DPYSL3: variants seen among roughly 807,000 people sequenced by gnomAD.
DPYSL3 encodes the protein dihydropyrimidinase like 3.
DPYSL3 carries 16 observed loss-of-function variants against 66.1 expected under a neutral mutation model. The ratio of observed to expected loss-of-function variants is 0.24; its 90% CI spans 0.16 to 0.37. DPYSL3 has a LOEUF of 0.37. Among genes scored for constraint, DPYSL3 ranks in the 10% least tolerant of loss-of-function variants. The probability of loss-of-function intolerance (pLI) is 1.00; values close to 1 mark genes in which losing one functional copy is unlikely to be tolerated. For missense variants in DPYSL3, 738 were observed against 916.2 expected (o/e 0.81, Z 2.51); for synonymous variants, 338 against 345.1 (o/e 0.98, Z 0.23).
intron 1 of DPYSL3, among the ~76,000 whole-genome samples, chr5:147,471,825 G>C (rs1417001939): frequency 6.6e-6 from 1 of 152,132 alleles, no homozygotes; most frequent in African/African-American, 2.4e-5. Flanking sequence ...AATAGATTGA[G>C]ATAAATTTTG....
chr5:147,504,615 C>A (rs1753659909), intron 1 of DPYSL3, among the ~76,000 whole-genome samples: 1 of 152,228 alleles, frequency 6.6e-6, no homozygotes, highest in Admixed American at 6.5e-5. Context: ...ACATCAATTT[C>A]TCTGAGTCAC....
At chr5:147,421,572 A>G (rs1752078945) in intron 2 of DPYSL3, among the ~76,000 whole-genome samples, 2 of 152,252 alleles carry the variant, frequency 1.3e-5, no homozygotes, top group South Asian at 2.1e-4. Context: ...AGTAAAAAGA[A>G]CAAAGCTGGA....
rs139692990 is a variant in DPYSL3 at position 147,424,663 on chromosome 5, T to C, written c.470+212A>G. Among the ~76,000 whole-genome samples, 173 of 152,344 alleles carry C rather than the reference T, an allele frequency of 1.1e-3. 1 individual carries two copies. The highest frequency in any genetic ancestry group is 4.0e-3 in the African/African-American group (165 of 41,590). On this transcript the variant is annotated intron_variant, in intron 2 of 13. Coordinates refer to ENST00000343218, the MANE Select transcript of DPYSL3 (RefSeq NM_001197294.2). ...TGTAATTTGTGCACATTTTCCAGTA[T>C]CCTTAAGGATGATGGCCACATCTTC... is the stretch of plus-strand genomic sequence containing the variant.
rs145317828 is a variant in DPYSL3, at chr5:147,479,588, A to G, written c.381+29890T>C. Among the ~76,000 whole-genome samples the G allele has an allele frequency of 1.1e-3, 161 of 152,354 alleles. 1 individual carries two copies. Among genetic ancestry groups the G allele is most frequent in the African/African-American group, 3.7e-3 (154 of 41,580 alleles). On this transcript the variant is annotated intron_variant, in intron 1 of 13. Coordinates refer to ENST00000343218, the MANE Select transcript of DPYSL3 (RefSeq NM_001197294.2). ...CCCACATCAGAGCAACCACAGAGCCAATCTAAGACAGGCATCTTATCTATC... is the reference window on the plus strand; with the variant it reads ...CCCACATCAGAGCAACCACAGAGCCGATCTAAGACAGGCATCTTATCTATC...
In DPYSL3 at chr5:147,422,680, AAG is replaced by A. The variant is rs547496931; in HGVS notation, c.470+2193_470+2194del. 2.4e-3 allele frequency among the ~76,000 whole-genome samples: 369 copies of A among 152,334 alleles called. 2 individuals carry two copies. Among genetic ancestry groups the A allele is most frequent in the African/African-American group, 8.6e-3 (358 of 41,570 alleles). Reference sequence around the variant, plus strand: ...GAAATACTATGCAGCCATAAAAAAAAAGAATGAGTTCATGTCCTTTGCAGGGA... The same window carrying A: ...GAAATACTATGCAGCCATAAAAAAAAAATGAGTTCATGTCCTTTGCAGGGA... On this transcript the variant is annotated intron_variant, in intron 2 of 13. Transcript: ENST00000343218.
At chr5:147,487,821 C>T (rs527760048) in intron 1 of DPYSL3, among the ~76,000 whole-genome samples, 1 of 152,318 alleles carries the variant, frequency 6.6e-6, no homozygotes, top group African/African-American at 2.4e-5. Context: ...GAATGCATTT[C>T]CAGATACACT....
rs77816694 is a variant in DPYSL3 at position 147,485,767 on chromosome 5, G to A, written c.381+23711C>T. Among the ~76,000 whole-genome samples the A allele has an allele frequency of 7.2e-5, 11 of 152,134 alleles. No individual in the cohort carries two copies. The East Asian group carries it at 1.2e-3, about 16-fold the overall frequency. ...AAATTGGAGTCTCAGCTCCTCCTCCGCAATCCTCTTCTATTAACTGTAACT... is the reference window on the plus strand; with the variant it reads ...AAATTGGAGTCTCAGCTCCTCCTCCACAATCCTCTTCTATTAACTGTAACT... On this transcript the variant is annotated intron_variant, in intron 1 of 13. Coordinates refer to ENST00000343218, the MANE Select transcript of DPYSL3 (RefSeq NM_001197294.2).
At chr5:147,464,446 C>T (rs1486318318) in intron 1 of DPYSL3, among the ~76,000 whole-genome samples, 1 of 152,136 alleles carries the variant, frequency 6.6e-6, no homozygotes, top group African/African-American at 2.4e-5. Context: ...GTTGCAGCTG[C>T]TACCTGTGTA....
intron 1 of DPYSL3, among the ~76,000 whole-genome samples, chr5:147,479,965 G>A (rs1021280977): frequency 6.6e-6 from 1 of 152,162 alleles, no homozygotes; most frequent in African/African-American, 2.4e-5. Context: ...ATGAGACCAA[G>A]GCACAGCAAT....
At chr5:147,428,162 T>A (rs1372649455) in intron 1 of DPYSL3, among the ~76,000 whole-genome samples, 2 of 152,210 alleles carry the variant, frequency 1.3e-5, no homozygotes, top group Non-Finnish European at 2.9e-5. Context: ...TCTGGCTCAA[T>A]AATCAGGAAT....
chr5:147,454,226 C>G (rs1397466332), intron 1 of DPYSL3: 2 of 152,192 alleles, frequency 1.3e-5, no homozygotes, highest in East Asian at 1.9e-4. Context: ...TCCCGGCACC[C>G]GCTCTCCTCT....
At chr5:147,400,422 C>G (rs936518186) in intron 10 of DPYSL3, among the ~76,000 whole-genome samples, 1 of 152,214 alleles carries the variant, frequency 6.6e-6, no homozygotes, top group South Asian at 2.1e-4. Context: ...ACAGGCTATT[C>G]GTACACTCAG....
rs1244851261 is a variant in DPYSL3, at chr5:147,509,605, G to A, written c.254C>T (p.Thr85Ile). Residue 85 changes from threonine (T) to isoleucine (I), a missense_variant, in exon 1 of 14, where the codon ACC becomes ATC. By Grantham distance (89) the Thr-to-Ile change is moderately conservative (BLOSUM62 -1). Transcript: ENST00000343218. The surrounding 1 kb of genome is among the most constrained non-coding windows in gnomAD (Gnocchi z 5.3). ...SGSRPGIEGD[T>I]PRRGQGREES... is the part of the protein sequence containing the mutation. ...TTCCCGGCCTTGGCCCCTGCGCGGG[G>A]TGTCCCCCTCGATCCCGGGCCGACT... 6.5e-7 allele frequency: 1 copy of A among 1,535,534 alleles called. No homozygotes were observed. The highest frequency in any genetic ancestry group is 8.7e-7 in the Non-Finnish European group (1 of 1,146,644).
Position 147,509,338 on chromosome 5 carries a change from C to T in DPYSL3, c.381+140G>A. ...CTGGGCTAGGAAGTCGCGCTACGCT[C>T]AGTGGAGGATGACCCTTTCCTCCTC... On this transcript the variant is annotated intron_variant, in intron 1 of 13. Transcript: ENST00000343218. This position sits in a 1 kb window ranked among gnomAD's most constrained non-coding sequence, Gnocchi z 5.3. The T allele has an allele frequency of 3.4e-6, 4 of 1,173,190 alleles. No homozygotes were observed. Among genetic ancestry groups the T allele is most frequent in the Non-Finnish European group, 4.6e-6 (4 of 865,544 alleles). The allele number at this position is 1,173,190 out of a possible 1,614,324, so 72.7% of individuals were successfully genotyped here.
intron 1 of DPYSL3, among the ~76,000 whole-genome samples, chr5:147,487,256 C>T (rs895944357): frequency 4.6e-5 from 7 of 152,128 alleles, no homozygotes; most frequent in African/African-American, 1.7e-4. Flanking sequence ...TTTAACAAGC[C>T]TTGCCTCCAT....
intron 7 of DPYSL3, among the ~76,000 whole-genome samples, chr5:147,406,915 T>C (rs990429700): frequency 2.0e-5 from 3 of 152,224 alleles, no homozygotes; most frequent in Non-Finnish European, 4.4e-5. Context: ...CTTGGCTGGC[T>C]GAGCTGGCCT....
In DPYSL3 at chr5:147,472,336, C is replaced by CATA. The variant is rs3217376; in HGVS notation, c.381+37139_381+37141dup. On this transcript the variant is annotated intron_variant, in intron 1 of 13. Transcript: ENST00000343218. ...ATAATTACTATTCTGAGATGCAAGA[C>CATA]ATAATGATGAGGTGTTATAGTGAAA... is the stretch of plus-strand genomic sequence containing the variant. 5.4e-3 allele frequency among the ~76,000 whole-genome samples: 815 copies of CATA among 152,262 alleles called. 30 individuals are homozygous for CATA. In the East Asian group the frequency reaches 0.11, roughly 20 times the overall value.
chr5:147,401,711 A>C lies in DPYSL3; in HGVS notation c.1154-15T>G. On this transcript the variant is annotated splice_polypyrimidine_tract_variant and intron_variant, in intron 8 of 13. Transcript: ENST00000343218. ...GACTACATTTCCTAGAAGGGGCAGGAAACAGACAAGGGGTTAGCATAAAGT... is the reference window on the plus strand; with the variant it reads ...GACTACATTTCCTAGAAGGGGCAGGCAACAGACAAGGGGTTAGCATAAAGT... 2 of 1,613,938 alleles carry C rather than the reference A, an allele frequency of 1.2e-6. No individual in the cohort carries two copies. Among genetic ancestry groups the C allele is most frequent in the Non-Finnish European group, 1.7e-6 (2 of 1,179,948 alleles).
intron 1 of DPYSL3, among the ~76,000 whole-genome samples, chr5:147,426,142 T>A (rs1353448856): frequency 6.6e-6 from 1 of 151,952 alleles, no homozygotes; most frequent in East Asian, 1.9e-4. Context: ...TCAAGCAATC[T>A]AAAATTATAT....
Sources: allele counts gnomAD v4.1 joint callset (sites outside exome capture counted in the v4.1 genomes callset), GRCh38; gene constraint gnomAD v4.1.1; non-coding constraint Gnocchi (gnomAD v3.1); transcripts MANE v1.5; gene names NCBI Gene and HGNC (gene_info 2026-07-23, HGNC 2026-07-21).